GNPAT: variants seen among roughly 807,000 people sequenced by gnomAD.
GNPAT encodes the protein dihydroxyacetone phosphate acyltransferase.
In GNPAT, 30 loss-of-function variants were observed where a neutral mutation model predicts 78.4. That is an observed-to-expected ratio of 0.38 (90% CI 0.29 to 0.52). The LOEUF (loss-of-function observed/expected upper bound fraction) is 0.52, where lower values mean the gene tolerates loss of function less well. GNPAT is among the 20% of genes least tolerant of loss of function. The probability of loss-of-function intolerance (pLI) is 0.84; values close to 1 mark genes in which losing one functional copy is unlikely to be tolerated. For synonymous variants in GNPAT, 271 were observed against 281.1 expected, an observed-to-expected ratio of 0.96 and a Z score of 0.36; for missense variants, 714 against 812.2, an observed-to-expected ratio of 0.88 and a Z score of 1.47.
At chr1:231,272,165 A>G in intron 10 of GNPAT, 147 bp from the exon 11 acceptor site, 1 of 628,990 alleles carries the variant, frequency 1.6e-6, no homozygotes, top group Non-Finnish European at 3.0e-6. Context: ...GGTTTAATTT[A>G]GCTTCCCTCA....
intron 1 of GNPAT, 54 bp from the exon 2 acceptor site, chr1:231,250,907 C>A: frequency 8.8e-7 from 1 of 1,137,586 alleles, no homozygotes; most frequent in Non-Finnish European, 1.3e-6. Flanking sequence ...AGTCTTTAAT[C>A]TGTCCTGATT....
intron 8 of GNPAT, among the ~76,000 whole-genome samples, chr1:231,267,325 T>C (rs754103595): frequency 1.6e-4 from 24 of 152,344 alleles, no homozygotes; most frequent in Non-Finnish European, 2.8e-4. Flanking sequence ...AATGGAGATA[T>C]GTTCAGCGTG....
At chr1:231,241,722 G>A (rs141460774) in intron 1 of GNPAT, among the ~76,000 whole-genome samples, 110 of 152,276 alleles carry the variant, frequency 7.2e-4, no homozygotes, top group African/African-American at 2.6e-3. Context: ...TCAGGCCCTG[G>A]GGCCTTCAGA....
In GNPAT at chr1:231,275,413, C is replaced by T. The variant is rs752593385; in HGVS notation, c.1852C>T (p.Gln618Ter). The change falls in exon 14 of 16, where the codon CAA becomes TAA. Residue 618 changes from glutamine to a stop codon, truncating the protein, a stop_gained. Transcript: ENST00000366647. LOFTEE classifies it high-confidence loss of function. Reference protein sequence around the residue: ...TSQLLDQGTSQCYDVLSSDVQ... With the variant: ...TSQLLDQGTS ...CTCACCCCCAATTTTAGGTACCTCT[C>T]AATGTTATGATGTATTATCTTCTGA... is the stretch of plus-strand genomic sequence containing the variant. 6.2e-7 allele frequency: 1 copy of T among 1,607,822 alleles called. No individual in the cohort carries two copies. Among genetic ancestry groups the T allele is most frequent in the South Asian group, 1.1e-5 (1 of 90,894 alleles).
At chr1:231,259,517 C>A (rs1685161827) in intron 2 of GNPAT, among the ~76,000 whole-genome samples, 2 of 151,934 alleles carry the variant, frequency 1.3e-5, no homozygotes, top group Non-Finnish European at 2.9e-5. Flanking sequence ...CATGGTGGCA[C>A]ATGCCTGTAA....
chr1:231,259,478 T>A (rs1157570155), intron 2 of GNPAT, among the ~76,000 whole-genome samples: 1 of 151,830 alleles, frequency 6.6e-6, no homozygotes, highest in African/African-American at 2.4e-5. Flanking sequence ...AGAAACCCCG[T>A]CTCTCCTAAA....
chr1:231,277,331 T>A (rs1553338710), intron 15 of GNPAT, among the ~76,000 whole-genome samples, 168 bp from the exon 16 acceptor site: 1 of 152,250 alleles, frequency 6.6e-6, no homozygotes, highest in Non-Finnish European at 1.5e-5. Context: ...TTGGAGCATC[T>A]ACCGCTTCCC....
Position 231,267,728 on chromosome 1 carries a change from A to G in GNPAT, c.1104A>G (p.Glu368=). 6.2e-7 allele frequency: 1 copy of G among 1,612,466 alleles called. No individual in the cohort carries two copies. The highest frequency in any genetic ancestry group is 8.5e-7 in the Non-Finnish European group (1 of 1,178,482). Residue 368 remains glutamate, a synonymous_variant, in exon 9 of 16, where the codon GAA becomes GAG. Transcript: ENST00000366647. ...AGGACATGCATGCCTTTGTCACTGA[A>G]GTTGCCTACAAAATGGAGCTTCTGC... ...QSEDMHAFVT[E]VAYKMELLQI... is the part of the protein sequence containing the mutation.
chr1:231,261,579 AT>A (rs1226624348), intron 3 of GNPAT, among the ~76,000 whole-genome samples: 1 of 151,662 alleles, frequency 6.6e-6, no homozygotes, highest in Non-Finnish European at 1.5e-5. Context: ...TAAAGTTATT[AT>A]TTTTTCCCTT....
At position 231,273,951 on chromosome 1, in the gene GNPAT, T is replaced by G; in HGVS notation, c.1632T>G (p.Cys544Trp). Reference protein sequence around the residue: ...KDFEEGCYLLCKSEAIQVTTK... With the variant: ...KDFEEGCYLLWKSEAIQVTTK... ...TTGAAGAAGGCTGTTACCTGCTTTG[T>G]AAAAGTGAAGCCATACAAGTGACTA... Residue 544 changes from cysteine to tryptophan, a missense_variant, in exon 12 of 16, where the codon TGT becomes TGG. By Grantham distance (215) the Cys-to-Trp change is radical. Transcript: ENST00000366647. 1 of 1,613,332 alleles carries G rather than the reference T, an allele frequency of 6.2e-7. No individual in the cohort carries two copies. The highest frequency in any genetic ancestry group is 1.1e-5 in the South Asian group (1 of 91,056).
intron 9 of GNPAT, chr1:231,269,809 G>A (rs940062133): frequency 3.3e-5 from 5 of 152,180 alleles, no homozygotes. Context: ...CCATAACTAA[G>A]AGTATCTGTT....
rs1685196072 is a variant in GNPAT at position 231,260,595 on chromosome 1, G to C, written c.350G>C (p.Gly117Ala). 1 of 1,612,640 alleles carries C rather than the reference G, an allele frequency of 6.2e-7. No homozygotes were observed. The highest frequency in any genetic ancestry group is 1.3e-5 in the African/African-American group (1 of 74,960). The part of the protein sequence containing the change: ...LDEMSHKLRL[G>A]AIRFCAFTLS... The stretch of plus-strand genomic sequence containing the variant: ...GAAATGAGTCACAAACTGCGTCTTG[G>C]AGCCATTCGGTTTTGTGCCTTCACC... The change falls in exon 3 of 16, where the codon GGA (glycine) becomes GCA (alanine). Residue 117 changes from glycine to alanine, a missense_variant. Gly to Ala is a moderately conservative substitution (Grantham distance 60). Coordinates refer to ENST00000366647, the MANE Select transcript of GNPAT (RefSeq NM_014236.4).
At chr1:231,250,197 T>C (rs886726500) in intron 1 of GNPAT, among the ~76,000 whole-genome samples, 1 of 151,620 alleles carries the variant, frequency 6.6e-6, no homozygotes, top group African/African-American at 2.4e-5. Flanking sequence ...GTGTGGAGGA[T>C]TGAGATTAGC....
In GNPAT at chr1:231,270,790, A is replaced by G. The variant is rs911310024; in HGVS notation, c.1312A>G (p.Ser438Gly). Residue 438 changes from serine to glycine, a missense_variant, in exon 10 of 16, where the codon AGC becomes GGC. Coordinates refer to ENST00000366647, the MANE Select transcript of GNPAT (RefSeq NM_014236.4). The stretch of plus-strand genomic sequence containing the variant: ...ACCTGCTGAAGAAGTTGTCCCGGCC[A>G]GCATTCTTCTGCATTCCAACATTGC... Reference protein sequence around the residue: ...NKPAEEVVPASILLHSNIASL... With the variant: ...NKPAEEVVPAGILLHSNIASL... 4.3e-6 allele frequency: 7 copies of G among 1,614,084 alleles called. No homozygotes were observed. In the East Asian group the frequency reaches 1.6e-4, roughly 36 times the overall value.
chr1:231,272,483 C>T, intron 11 of GNPAT, 92 bp downstream of exon 11: 1 of 757,608 alleles, frequency 1.3e-6, no homozygotes, highest in Non-Finnish European at 2.4e-6. Context: ...AGGCAGTGTG[C>T]CATCCCTTTC....
chr1:231,241,404 C>T lies in GNPAT; in HGVS notation c.26C>T (p.Ser9Phe), dbSNP rs113480953. Reference sequence around the variant, plus strand: ...ATGGAGTCTTCCAGTTCATCTAACTCTTATTTCTCCGTTGGCCCAACCAGT... The same window carrying T: ...ATGGAGTCTTCCAGTTCATCTAACTTTTATTTCTCCGTTGGCCCAACCAGT... MESSSSSN[S>F]YFSVGPTSPS... The change falls in exon 1 of 16, where the codon TCT (serine) becomes TTT (phenylalanine). Residue 9 changes from serine to phenylalanine, a missense_variant. Ser to Phe is a radical substitution (Grantham distance 155). Coordinates refer to ENST00000366647, the MANE Select transcript of GNPAT (RefSeq NM_014236.4). 2.9e-3 allele frequency: 4,719 copies of T among 1,613,988 alleles called. 126 individuals are homozygous for T. The African/African-American group carries it at 0.055, about 19-fold the overall frequency.
intron 2 of GNPAT, among the ~76,000 whole-genome samples, chr1:231,255,989 G>A (rs1422872318): frequency 2.6e-5 from 4 of 151,950 alleles, no homozygotes. Flanking sequence ...TTGCTTTTAT[G>A]GGCTTTTCCT....
intron 1 of GNPAT, among the ~76,000 whole-genome samples, chr1:231,243,975 C>T (rs1381860264): frequency 6.6e-6 from 1 of 151,848 alleles, no homozygotes; most frequent in African/African-American, 2.4e-5. Flanking sequence ...ATGGCACAAT[C>T]TTGGCTCACT....
chr1:231,245,767 C>T (rs561432196), intron 1 of GNPAT, among the ~76,000 whole-genome samples: 4 of 152,236 alleles, frequency 2.6e-5, no homozygotes, highest in Admixed American at 6.5e-5. Flanking sequence ...GTCGGGAGCT[C>T]GCGACCAGCC....
Sources: allele counts gnomAD v4.1 joint callset (sites outside exome capture counted in the v4.1 genomes callset), GRCh38; gene constraint gnomAD v4.1.1; transcripts MANE v1.5; gene names NCBI Gene and HGNC (gene_info 2026-07-23, HGNC 2026-07-21).